ZC3HAV1: variants seen among roughly 807,000 people sequenced by gnomAD.
ZC3HAV1 encodes zinc finger CCCH-type antiviral protein 1.
Under a neutral mutation model 86.6 loss-of-function variants are expected in ZC3HAV1, and 41 were observed. The observed-to-expected ratio is 0.47, with a 90% CI of 0.37 to 0.61. The LOEUF (loss-of-function observed/expected upper bound fraction) is 0.61, where lower values mean the gene tolerates loss of function less well. Ranked by LOEUF, ZC3HAV1 falls within the 20% of genes least tolerant of loss-of-function variation. The probability of loss-of-function intolerance (pLI) is 0.00; values close to 1 mark genes in which losing one functional copy is unlikely to be tolerated. For synonymous variants in ZC3HAV1, 421 were observed against 432.1 expected (o/e 0.97, Z 0.32); for missense variants, 964 against 1,141.1 (o/e 0.84, Z 2.24).
chr7:139,096,953 C>G (rs1817607021), intron 1 of ZC3HAV1, among the ~76,000 whole-genome samples: 1 of 151,948 alleles, frequency 6.6e-6, no homozygotes, highest in South Asian at 2.1e-4. Flanking sequence ...GGCAACATGT[C>G]TCTATTGAAA....
chr7:139,101,692 T>C (rs573221257), intron 1 of ZC3HAV1, among the ~76,000 whole-genome samples: 1 of 151,146 alleles, frequency 6.6e-6, no homozygotes, highest in East Asian at 2.0e-4. Flanking sequence ...GGGATGCTGT[T>C]GATCTATGAC....
At chr7:139,056,965 TA>T (rs1174375753) in intron 9 of ZC3HAV1, among the ~76,000 whole-genome samples, 1 of 152,238 alleles carries the variant, frequency 6.6e-6, no homozygotes, top group Non-Finnish European at 1.5e-5. Context: ...TTATGTTTTT[TA>T]AAACCTCTTA....
chr7:139,071,506 C>G (rs1816772461), intron 7 of ZC3HAV1, among the ~76,000 whole-genome samples: 1 of 152,166 alleles, frequency 6.6e-6, no homozygotes, highest in South Asian at 2.1e-4. Context: ...CCATCAAGAC[C>G]TATAGCTTAT....
intron 8 of ZC3HAV1, among the ~76,000 whole-genome samples, 182 bp downstream of exon 8, chr7:139,064,697 C>T (rs555794404): frequency 5.3e-5 from 8 of 152,304 alleles, no homozygotes; most frequent in Admixed American, 2.6e-4. Context: ...AGCAAGTGTT[C>T]GTCACAGCCA....
rs1306506167 is a variant in ZC3HAV1, at chr7:139,053,539, A to G, written c.2361T>C (p.Tyr787=). Residue 787 remains tyrosine (Y), a synonymous_variant, in exon 12 of 13, where the codon TAT becomes TAC. Transcript: ENST00000242351. ...QMKEEGKLLF[Y]ATSRAYVESI... ...ATTCCACATAGGCACGGCTTGTCGC[A>G]TAAAATAGGAGTTTTCCTTCTTCCT... 3.7e-6 allele frequency: 6 copies of G among 1,605,502 alleles called. No homozygotes were observed. Among genetic ancestry groups the G allele is most frequent in the African/African-American group, 1.3e-5 (1 of 74,468 alleles).
chr7:139,088,746 C>T (rs892860094), intron 2 of ZC3HAV1, among the ~76,000 whole-genome samples: 2 of 152,218 alleles, frequency 1.3e-5, no homozygotes, highest in African/African-American at 4.8e-5. Flanking sequence ...CTACTCAACT[C>T]ACCCTTGCAG....
intron 1 of ZC3HAV1, 54 bp from the exon 2 acceptor site, chr7:139,089,813 C>T: frequency 6.5e-7 from 1 of 1,529,602 alleles, no homozygotes; most frequent in Non-Finnish European, 8.8e-7. Context: ...TGCAAAGAAA[C>T]AGAAATCAGC....
chr7:139,086,459 T>C (rs1277841994), intron 2 of ZC3HAV1, among the ~76,000 whole-genome samples: 1 of 149,534 alleles, frequency 6.7e-6, no homozygotes, highest in East Asian at 2.0e-4. Flanking sequence ...CCTTGGGTGA[T>C]GCTGACCTCT....
At chr7:139,057,140 G>A (rs1261632067) in intron 9 of ZC3HAV1, among the ~76,000 whole-genome samples, 1 of 152,048 alleles carries the variant, frequency 6.6e-6, no homozygotes, top group African/African-American at 2.4e-5. Context: ...CTTGAGCTCT[G>A]GAGTTTAAGA....
Position 139,100,755 on chromosome 7 carries a change from ACTCTCCCTCTCTTTCCACGGTCTCC to A in ZC3HAV1, c.308+8244_308+8268del, listed in dbSNP as rs1177121087. On this transcript the variant is annotated intron_variant, in intron 1 of 12. Coordinates refer to ENST00000242351, the MANE Select transcript of ZC3HAV1 (RefSeq NM_020119.4). ...ATAAAACTTTAAGAATCAAAATTCC[ACTCTCCCTCTCTTTCCACGGTCTCC>A]CTCTCCCTCTCTTTCCACGGTCTCC... 4.0e-3 allele frequency among the ~76,000 whole-genome samples: 532 copies of A among 133,542 alleles called. 7 individuals are homozygous for A. Among genetic ancestry groups the A allele is most frequent in the African/African-American group, 0.013 (431 of 34,468 alleles). 87.6% of individuals were successfully genotyped at this position (133,542 alleles called of 152,430 possible).
chr7:139,089,299 T>C (rs1584866055), intron 2 of ZC3HAV1, among the ~76,000 whole-genome samples: 1 of 152,100 alleles, frequency 6.6e-6, no homozygotes, highest in East Asian at 1.9e-4. Context: ...CTTCCCAACC[T>C]CATTCCAAAG....
intron 12 of ZC3HAV1, among the ~76,000 whole-genome samples, chr7:139,052,877 C>T (rs529648849): frequency 1.5e-4 from 23 of 150,322 alleles, no homozygotes; most frequent in African/African-American, 5.1e-4. Context: ...TGCAGTGAGC[C>T]GAGATTGTCA....
At chr7:139,077,532 C>G (rs538243641) in intron 5 of ZC3HAV1, among the ~76,000 whole-genome samples, 1 of 152,350 alleles carries the variant, frequency 6.6e-6, no homozygotes, top group Non-Finnish European at 1.5e-5. Flanking sequence ...GCGTAAGCCA[C>G]CATGCCTGGC....
Position 139,055,214 on chromosome 7 carries a change from C to T in ZC3HAV1, c.2178G>A (p.Lys726=). The change falls in exon 10 of 13, where the codon AAG becomes AAA. Residue 726 remains lysine, a synonymous_variant. Coordinates refer to ENST00000242351, the MANE Select transcript of ZC3HAV1 (RefSeq NM_020119.4). ...ATGTAAAACCAAGTACCTTATATTT[C>T]TTTGAGGATAGGAAGCAAAAGTCCT... ...PQEDFCFLSS[K]KYKLSEIHHL... 1.2e-6 allele frequency: 2 copies of T among 1,612,906 alleles called. No homozygotes were observed. The highest frequency in any genetic ancestry group is 1.7e-6 in the Non-Finnish European group (2 of 1,179,290).
intron 8 of ZC3HAV1, among the ~76,000 whole-genome samples, chr7:139,062,403 C>T (rs960061478): frequency 6.6e-6 from 1 of 152,212 alleles, no homozygotes; most frequent in Admixed American, 6.5e-5. Flanking sequence ...CCAGCCTTAG[C>T]CTTAGTTCTT....
chr7:139,074,382 T>C lies in ZC3HAV1; in HGVS notation c.1698-352A>G, dbSNP rs190441715. 3.3e-5 allele frequency among the ~76,000 whole-genome samples: 5 copies of C among 152,340 alleles called. No individual in the cohort carries two copies. In the East Asian group the frequency reaches 9.6e-4, roughly 29 times the overall value. On this transcript the variant is annotated intron_variant, in intron 6 of 12. Transcript: ENST00000242351. ...TTATTTATTATTATTTAAATCGTTA[T>C]CAAAATGTGGAGACCCTTGCAGAAA...
At chr7:139,080,459 T>C (rs1817097460) in intron 3 of ZC3HAV1, among the ~76,000 whole-genome samples, 1 of 152,172 alleles carries the variant, frequency 6.6e-6, no homozygotes, top group Non-Finnish European at 1.5e-5. Context: ...AGATGGAGTG[T>C]TGCTCTGTTG....
intron 2 of ZC3HAV1, among the ~76,000 whole-genome samples, chr7:139,084,284 C>A (rs1370946865): frequency 1.3e-5 from 2 of 152,132 alleles, no homozygotes; most frequent in African/African-American, 4.8e-5. Flanking sequence ...TCAATGTAAG[C>A]TGGTTAGCTA....
At chr7:139,053,884 G>A in intron 11 of ZC3HAV1, 81 bp downstream of exon 11, 1 of 1,488,256 alleles carries the variant, frequency 6.7e-7, no homozygotes, top group South Asian at 1.3e-5. Context: ...AAATAAATCA[G>A]TGAATATAAA....
Sources: gnomAD v4.1 joint callset for allele counts (sites outside exome capture counted in the v4.1 genomes callset) on GRCh38, gnomAD v4.1.1 for gene constraint, MANE v1.5 for transcripts, NCBI Gene and HGNC (gene_info 2026-07-23, HGNC 2026-07-21) for gene names.